Variants in BAG3 observed in about 807,000 individuals in gnomAD.
BAG3 encodes the protein BAG family molecular chaperone regulator 3.
In BAG3, 14 loss-of-function variants were observed where a neutral mutation model predicts 40.5. The ratio of observed to expected loss-of-function variants is 0.35; its 90% confidence interval spans 0.23 to 0.54. BAG3 has a LOEUF of 0.54. BAG3 is among the 20% of genes least tolerant of loss of function. The pLI, the probability that BAG3 is intolerant of heterozygous loss-of-function variation, is 0.91. For missense variants in BAG3, 788 were observed against 758.6 expected (o/e 1.04, Z -0.46); for synonymous variants, 302 against 307.8 (o/e 0.98, Z 0.20).
rs139851230 is a variant in BAG3 at position 119,672,849 on chromosome 10, G to A, written c.909+193G>A. Among the ~76,000 whole-genome samples, 556 of 152,274 alleles carry A rather than the reference G, an allele frequency of 3.7e-3. 3 individuals are homozygous for A. The highest frequency in any genetic ancestry group is 0.012 in the African/African-American group (519 of 41,544). Reference sequence around the variant, plus strand: ...CAGTTGCTCAGGCTGTGAACCCTCCGCACTCTGCAGCTTTTGCTGGGCTGA... The same window carrying A: ...CAGTTGCTCAGGCTGTGAACCCTCCACACTCTGCAGCTTTTGCTGGGCTGA... On this transcript the variant is annotated intron_variant, in intron 3 of 3. Coordinates refer to ENST00000369085, the MANE Select transcript of BAG3 (RefSeq NM_004281.4). This position sits in a 1 kb window ranked among gnomAD's most constrained non-coding sequence, Gnocchi z 4.8.
At chr10:119,653,150 C>T (rs1466081910) in intron 1 of BAG3, among the ~76,000 whole-genome samples, 1 of 152,178 alleles carries the variant, frequency 6.6e-6, no homozygotes, top group Non-Finnish European at 1.5e-5. Context: ...CGGTGCCCAG[C>T]AGTGAGACCG....
rs1329482943 is a variant in BAG3, at chr10:119,672,865, GCTGGGCTGAT to G, written c.909+211_909+220del. On this transcript the variant is annotated intron_variant, in intron 3 of 3. Coordinates refer to ENST00000369085, the MANE Select transcript of BAG3 (RefSeq NM_004281.4). This position sits in a 1 kb window ranked among gnomAD's most constrained non-coding sequence, Gnocchi z 4.8. ...GAACCCTCCGCACTCTGCAGCTTTT[GCTGGGCTGAT>G]CATTGTGCATTGCGGCTGACTTAGA... is the stretch of plus-strand genomic sequence containing the variant. 6.6e-6 allele frequency among the ~76,000 whole-genome samples: 1 copy of G among 152,180 alleles called. No homozygotes were observed. The highest frequency in any genetic ancestry group is 2.4e-5 in the African/African-American group (1 of 41,434).
At chr10:119,653,934 C>T (rs1846876976) in intron 1 of BAG3, among the ~76,000 whole-genome samples, 1 of 152,220 alleles carries the variant, frequency 6.6e-6, no homozygotes, top group Admixed American at 6.5e-5. Context: ...TATTGGGTCA[C>T]TGACCTCTGT....
At chr10:119,667,671 G>T (rs1044978704) in intron 1 of BAG3, among the ~76,000 whole-genome samples, 2 of 152,160 alleles carry the variant, frequency 1.3e-5, no homozygotes, top group African/African-American at 2.4e-5. Context: ...CTGTTGGCAG[G>T]GAGTGCCCCT....
In BAG3 at chr10:119,677,522, G is replaced by C. The variant is rs532438186; in HGVS notation, c.*240G>C. The C allele has an allele frequency of 8.7e-6, 1 of 115,382 alleles. No individual in the cohort carries two copies. The highest frequency in any genetic ancestry group is 4.9e-5 in the East Asian group (1 of 20,272). 7.1% of individuals were successfully genotyped at this position (115,382 alleles called of 1,614,324 possible). A position where few individuals can be genotyped will look rare whatever the true frequency, so the allele number is the denominator to read the frequency against. ...TTTGAGAAGTTTAACCCCGTTGCTT[G>C]TTGTTCTGCAGCCCTGTCTACTTGG... On this transcript the variant is annotated 3_prime_UTR_variant, in exon 4 of 4. Coordinates refer to ENST00000369085, the MANE Select transcript of BAG3 (RefSeq NM_004281.4).
intron 1 of BAG3, among the ~76,000 whole-genome samples, chr10:119,652,916 G>A (rs1846863616): frequency 6.6e-6 from 1 of 152,164 alleles, no homozygotes; most frequent in Non-Finnish European, 1.5e-5. Context: ...ATAAATTTGA[G>A]CTTTCAGGAT....
At position 119,677,483 on chromosome 10, in the gene BAG3, G is replaced by T. The variant is rs1046335021; in HGVS notation, c.*201G>T. 71 of 722,890 alleles carry T rather than the reference G, an allele frequency of 9.8e-5. 1 individual carries two copies. The Admixed American group carries it at 1.8e-3, about 19-fold the overall frequency. The allele number at this position is 722,890 out of a possible 1,614,324, so 44.8% of individuals were successfully genotyped here. ...TATATTCTTACTCTGTACAAATAAAGAAGTTGCTTGTTGTTTGAGAAGTTT... is the reference window on the plus strand; with the variant it reads ...TATATTCTTACTCTGTACAAATAAATAAGTTGCTTGTTGTTTGAGAAGTTT... On this transcript the variant is annotated 3_prime_UTR_variant, in exon 4 of 4. Coordinates refer to ENST00000369085, the MANE Select transcript of BAG3 (RefSeq NM_004281.4).
Position 119,676,066 on chromosome 10 carries a change from C to T in BAG3, c.910-398C>T, listed in dbSNP as rs115298251. 3.1e-3 allele frequency among the ~76,000 whole-genome samples: 465 copies of T among 149,942 alleles called. 2 individuals are homozygous for T. Among genetic ancestry groups the T allele is most frequent in the African/African-American group, 0.01 (423 of 40,626 alleles). ...TCAGCCTTCTGAGTAGCTGGGACTA[C>T]GAGTGCAAGCTCCCACACCTGGCTA... is the stretch of plus-strand genomic sequence containing the variant. On this transcript the variant is annotated intron_variant, in intron 3 of 3. Coordinates refer to ENST00000369085, the MANE Select transcript of BAG3 (RefSeq NM_004281.4).
At position 119,672,233 on chromosome 10, in the gene BAG3, C is replaced by T; in HGVS notation, c.508-22C>T. The stretch of plus-strand genomic sequence containing the variant: ...GGGGAGTCATTTGTGGGGTCATGCC[C>T]TCTACCCTGTGTCTCTTGCAGCGGT... On this transcript the variant is annotated intron_variant, in intron 2 of 3. Transcript: ENST00000369085. This position sits in a 1 kb window ranked among gnomAD's most constrained non-coding sequence, Gnocchi z 4.8. 6.2e-7 allele frequency: 1 copy of T among 1,611,348 alleles called. No individual in the cohort carries two copies. The highest frequency in any genetic ancestry group is 8.5e-7 in the Non-Finnish European group (1 of 1,180,004).
intron 1 of BAG3, among the ~76,000 whole-genome samples, chr10:119,668,841 T>G (rs1164410491): frequency 6.6e-6 from 1 of 152,226 alleles, no homozygotes; most frequent in Non-Finnish European, 1.5e-5. Context: ...GCCATCAAGA[T>G]AGGCACAGGG....
intron 1 of BAG3, among the ~76,000 whole-genome samples, chr10:119,663,857 C>A (rs138489080): frequency 6.6e-6 from 1 of 152,168 alleles, no homozygotes. Flanking sequence ...GGCTTCCTCA[C>A]ACACCTACGG....
rs1409932601 is a variant in BAG3 at position 119,677,511 on chromosome 10, C to T, written c.*229C>T. ...GTTGCTTGTTGTTTGAGAAGTTTAACCCCGTTGCTTGTTGTTCTGCAGCCC... is the reference window on the plus strand; with the variant it reads ...GTTGCTTGTTGTTTGAGAAGTTTAATCCCGTTGCTTGTTGTTCTGCAGCCC... On this transcript the variant is annotated 3_prime_UTR_variant, in exon 4 of 4. Coordinates refer to ENST00000369085, the MANE Select transcript of BAG3 (RefSeq NM_004281.4). 5.0e-6 allele frequency: 3 copies of T among 598,890 alleles called. No individual in the cohort carries two copies. The highest frequency in any genetic ancestry group is 3.2e-5 in the Admixed American group (1 of 31,664). The allele number at this position is 598,890 out of a possible 1,614,324, so 37.1% of individuals were successfully genotyped here.
In BAG3 at chr10:119,660,050, G is replaced by A. The variant is rs111975731; in HGVS notation, c.180+8195G>A. 4.3e-3 allele frequency among the ~76,000 whole-genome samples: 662 copies of A among 152,328 alleles called. 1 individual carries two copies. The highest frequency in any genetic ancestry group is 6.7e-3 in the Non-Finnish European group (456 of 68,020). On this transcript the variant is annotated intron_variant, in intron 1 of 3. Coordinates refer to ENST00000369085, the MANE Select transcript of BAG3 (RefSeq NM_004281.4). ...CCCGTGAGGCAGGCTGCAGGGCTGG[G>A]GCTGCAGGGAGGCTGGATGCTGACT...
chr10:119,672,296 C>G lies in BAG3; in HGVS notation c.549C>G (p.Ser183=), dbSNP rs112929734. ...CTGCCTCTGACTGCTCATCCTCATC[C>G]TCCTCGGCCAGCCTGCCTTCCTCCG... ...SPAASDCSSS[S]SSASLPSSGR... Residue 183 remains serine (S), a synonymous_variant, in exon 3 of 4, where the codon TCC becomes TCG. Transcript: ENST00000369085. The surrounding 1 kb of genome is among the most constrained non-coding windows in gnomAD (Gnocchi z 4.8). The G allele has an allele frequency of 1.5e-3, 2,455 of 1,613,910 alleles. 3 individuals carry two copies. Among genetic ancestry groups the G allele is most frequent in the Non-Finnish European group, 1.9e-3 (2,250 of 1,179,968 alleles).
rs142981190 is a variant in BAG3 at position 119,677,228 on chromosome 10, G to A, written c.1674G>A (p.Ala558=). 67 of 1,614,100 alleles carry A rather than the reference G, an allele frequency of 4.2e-5. No homozygotes were observed. The African/African-American group carries it at 6.9e-4, about 17-fold the overall frequency. ...ETQQPEATAA[A]TSNPSSMTDT... ...AGCAGCCAGAAGCCACAGCAGCAGC[G>A]ACTTCAAACCCCAGCAGCATGACAG... The change falls in exon 4 of 4, where the codon GCG becomes GCA. Residue 558 remains alanine, a synonymous_variant. Transcript: ENST00000369085.
chr10:119,653,010 T>C (rs1192441833), intron 1 of BAG3, among the ~76,000 whole-genome samples: 1 of 152,252 alleles, frequency 6.6e-6, no homozygotes, highest in East Asian at 1.9e-4. Flanking sequence ...AAAGAGCTGG[T>C]AAATTATTTT....
Position 119,670,939 on chromosome 10 carries a change from G to A in BAG3, c.507+762G>A, listed in dbSNP as rs114366888. On this transcript the variant is annotated intron_variant, in intron 2 of 3. Transcript: ENST00000369085. Reference sequence around the variant, plus strand: ...GTTGTTCCTGGGCACAAACTCCCGTGTCCTATCTGCACCCTGAGTCATGCT... The same window carrying A: ...GTTGTTCCTGGGCACAAACTCCCGTATCCTATCTGCACCCTGAGTCATGCT... Among the ~76,000 whole-genome samples the A allele has an allele frequency of 7.7e-3, 1,165 of 152,264 alleles. 18 individuals are homozygous for A. Among genetic ancestry groups the A allele is most frequent in the African/African-American group, 0.027 (1,127 of 41,530 alleles).
rs141490382 is a variant in BAG3, at chr10:119,664,513, G to A, written c.181-5338G>A. ...TCTTTAGCCGAGATAAGGATAATGA[G>A]CTCTGAGCTGCAGGCGGGCCCTGAT... On this transcript the variant is annotated intron_variant, in intron 1 of 3. Coordinates refer to ENST00000369085, the MANE Select transcript of BAG3 (RefSeq NM_004281.4). 3.7e-3 allele frequency among the ~76,000 whole-genome samples: 559 copies of A among 152,306 alleles called. 3 individuals carry two copies. The highest frequency in any genetic ancestry group is 0.013 in the African/African-American group (523 of 41,562).
intron 3 of BAG3, among the ~76,000 whole-genome samples, chr10:119,673,738 G>A (rs1847183353): frequency 6.6e-6 from 1 of 152,230 alleles, no homozygotes; most frequent in Admixed American, 6.5e-5. Flanking sequence ...TCTCATAGAA[G>A]AGTTGTGTGA....
Sources: allele counts gnomAD v4.1 joint callset (sites outside exome capture counted in the v4.1 genomes callset), GRCh38; gene constraint gnomAD v4.1.1; non-coding constraint Gnocchi (gnomAD v3.1); transcripts MANE v1.5; gene names NCBI Gene and HGNC (gene_info 2026-07-23, HGNC 2026-07-21).